RANBP2: variants seen among roughly 807,000 people sequenced by gnomAD.
The protein encoded by RANBP2 is RAN binding protein 2.
RANBP2 carries 57 observed loss-of-function variants against 303.6 expected under a neutral mutation model. The observed-to-expected ratio is 0.19, with a 90% CI of 0.15 to 0.23. RANBP2 has a LOEUF of 0.23. Among genes scored for constraint, RANBP2 ranks in the 10% least tolerant of loss-of-function variants. The pLI is 1.00. For missense variants in RANBP2, 3,138 were observed against 3,780.8 expected (o/e 0.83, Z 4.46); for synonymous variants, 1,167 against 1,301.5 (o/e 0.90, Z 2.23).
chr2:109,372,289 A>T, the RANBP2 span, among the ~76,000 whole-genome samples: 1 of 152,186 alleles, frequency 6.6e-6, no homozygotes, highest in Non-Finnish European at 1.5e-5. Context: ...CTGTGCAGAA[A>T]GCATCTTAAC....
chr2:109,148,506 A>G, the RANBP2 span, among the ~76,000 whole-genome samples: 1 of 152,220 alleles, frequency 6.6e-6, no homozygotes, highest in Non-Finnish European at 1.5e-5. Context: ...TGGAAGAATG[A>G]AAGAAGGGTT....
Position 108,764,409 on chromosome 2 carries a change from A to C in RANBP2, c.3870A>C (p.Glu1290Asp). Reference protein sequence around the residue: ...QLAIRFKTPEEAALFKCKFEE... With the variant: ...QLAIRFKTPEDAALFKCKFEE... Reference sequence around the variant, plus strand: ...CTATTAGGTTCAAAACTCCTGAGGAAGCAGCACTTTTTAAATGCAAGTTTG... The same window carrying C: ...CTATTAGGTTCAAAACTCCTGAGGACGCAGCACTTTTTAAATGCAAGTTTG... Residue 1290 changes from glutamate (E) to aspartate (D), a missense_variant, in exon 20 of 29, where the codon GAA (glutamate) becomes GAC (aspartate). By Grantham distance (45) the Glu-to-Asp change is conservative. This residue lies in a region of RANBP2 where 72 missense variants were observed against 119.5 expected (regional missense o/e 0.60). Coordinates refer to ENST00000283195, the MANE Select transcript of RANBP2 (RefSeq NM_006267.5). The C allele has an allele frequency of 6.2e-7, 1 of 1,614,084 alleles. No homozygotes were observed. Among genetic ancestry groups the C allele is most frequent in the African/African-American group, 1.3e-5 (1 of 75,048 alleles).
the RANBP2 span, among the ~76,000 whole-genome samples, chr2:109,009,711 G>A: frequency 6.7e-5 from 7 of 104,084 alleles, no homozygotes; most frequent in South Asian, 2.8e-4. Context: ...CCTTTTTTTT[G>A]TTTTTTTTTT....
At chr2:109,458,035 C>T in the RANBP2 span, among the ~76,000 whole-genome samples, 6 of 152,054 alleles carry the variant, frequency 3.9e-5, no homozygotes, top group African/African-American at 1.5e-4. Context: ...TTTGTTTTTT[C>T]AGGCACTCAG....
chr2:109,222,043 C>T, the RANBP2 span, among the ~76,000 whole-genome samples: 4 of 151,466 alleles, frequency 2.6e-5, no homozygotes, highest in African/African-American at 9.7e-5. Context: ...ATGTCATTTG[C>T]AGCAACATGG....
chr2:109,527,033 C>T, the RANBP2 span, among the ~76,000 whole-genome samples: 2 of 152,176 alleles, frequency 1.3e-5, no homozygotes, highest in Admixed American at 6.5e-5. Context: ...TGTGCTTGAC[C>T]AATTAAATGT....
At chr2:108,808,041 C>T in the RANBP2 span, among the ~76,000 whole-genome samples, 2 of 152,084 alleles carry the variant, frequency 1.3e-5, no homozygotes, top group Admixed American at 1.3e-4. Context: ...TTTTAGCTTC[C>T]ACATGAGTAA....
At chr2:109,381,372 C>CG in the RANBP2 span, among the ~76,000 whole-genome samples, 1 of 152,186 alleles carries the variant, frequency 6.6e-6, no homozygotes, top group Non-Finnish European at 1.5e-5. Flanking sequence ...AGGTCAATGG[C>CG]GGGGTTACTT....
chr2:109,159,317 C>T, the RANBP2 span, among the ~76,000 whole-genome samples: 2 of 152,206 alleles, frequency 1.3e-5, no homozygotes, highest in Non-Finnish European at 2.9e-5. Flanking sequence ...GCGGTTTCCT[C>T]GTCCTGCCGA....
intron 7 of RANBP2, among the ~76,000 whole-genome samples, chr2:108,744,503 A>C (rs1407262187): frequency 6.6e-6 from 1 of 152,174 alleles, no homozygotes; most frequent in Admixed American, 6.5e-5. Context: ...TAATTTTGTA[A>C]AAGAGGCCGG....
chr2:109,277,302 T>C, the RANBP2 span, among the ~76,000 whole-genome samples: 1 of 152,218 alleles, frequency 6.6e-6, no homozygotes, highest in Non-Finnish European at 1.5e-5. Flanking sequence ...ATCACTGAGG[T>C]TTGCAGATGA....
At chr2:109,560,664 C>G in the RANBP2 span, among the ~76,000 whole-genome samples, 1 of 152,182 alleles carries the variant, frequency 6.6e-6, no homozygotes, top group Admixed American at 6.5e-5. Flanking sequence ...AACTCAAAGT[C>G]AACAGGTCCC....
chr2:109,046,073 G>A, the RANBP2 span, among the ~76,000 whole-genome samples: 8 of 152,092 alleles, frequency 5.3e-5, no homozygotes, highest in Non-Finnish European at 1.0e-4. Context: ...GGGAGGCCGA[G>A]GTGGGCAGAT....
At chr2:108,993,043 T>C in the RANBP2 span, among the ~76,000 whole-genome samples, 1 of 152,168 alleles carries the variant, frequency 6.6e-6, no homozygotes, top group African/African-American at 2.4e-5. Flanking sequence ...TTAAAGTCTC[T>C]CTTAGGAACC....
At chr2:109,220,294 C>T in the RANBP2 span, among the ~76,000 whole-genome samples, 1 of 152,052 alleles carries the variant, frequency 6.6e-6, no homozygotes, top group South Asian at 2.1e-4. Flanking sequence ...TTAAAGATCT[C>T]AACATAAGAG....
the RANBP2 span, among the ~76,000 whole-genome samples, chr2:109,301,796 A>G: frequency 6.6e-6 from 1 of 152,226 alleles, no homozygotes; most frequent in South Asian, 2.1e-4. Context: ...GCCCACAGGT[A>G]CCATCCTTCT....
chr2:108,777,203 T>C lies in RANBP2; in HGVS notation c.8571T>C (p.Asn2857=). ...GLSFADLASS[N]SGDFAFGSKD... ...CATTTGCAGACTTGGCTTCCAGTAA[T>C]TCTGGAGATTTTGCTTTTGGTTCTA... The change falls in exon 25 of 29, where the codon AAT becomes AAC. Residue 2857 remains asparagine (N), a synonymous_variant. Coordinates refer to ENST00000283195, the MANE Select transcript of RANBP2 (RefSeq NM_006267.5). 1.9e-6 allele frequency: 3 copies of C among 1,613,590 alleles called. No individual in the cohort carries two copies. The highest frequency in any genetic ancestry group is 2.5e-6 in the Non-Finnish European group (3 of 1,179,600).
chr2:109,433,502 G>T, the RANBP2 span, among the ~76,000 whole-genome samples: 3 of 152,198 alleles, frequency 2.0e-5, no homozygotes, highest in Admixed American at 6.5e-5. Context: ...GCCCCTCGTG[G>T]GCACGGCCCT....
the RANBP2 span, among the ~76,000 whole-genome samples, chr2:109,520,653 A>G: frequency 0.06 from 6,725 of 111,252 alleles, 464 homozygotes; most frequent in Non-Finnish European, 0.092. Flanking sequence ...TGTTGAGGCC[A>G]GGCACAGCGG....
Sources: gnomAD v4.1 joint callset for allele counts (sites outside exome capture counted in the v4.1 genomes callset) on GRCh38, gnomAD v4.1.1 for gene constraint, gnomAD v4.1.1 regional missense constraint, MANE v1.5 for transcripts, NCBI Gene and HGNC (gene_info 2026-07-23, HGNC 2026-07-21) for gene names.